The following SMAD7 variants were observed in gnomAD, a reference collection of about 807,000 sequenced individuals.
The protein encoded by SMAD7 is MAD (mothers against decapentaplegic, Drosophila) homolog 7.
Under a neutral mutation model 38.7 loss-of-function variants are expected in SMAD7, and 8 were observed. The ratio of observed to expected loss-of-function variants is 0.21; its 90% CI spans 0.12 to 0.37. SMAD7 has a LOEUF of 0.37. Ranked by LOEUF, SMAD7 falls within the 10% of genes least tolerant of loss-of-function variation. The pLI, the probability that SMAD7 is intolerant of heterozygous loss-of-function variation, is 1.00. For missense variants in SMAD7, 477 were observed against 577.9 expected (o/e 0.83, Z 1.79); for synonymous variants, 327 against 265.1 (o/e 1.23, Z -2.27).
At position 48,949,828 on chromosome 18, in the gene SMAD7, G is replaced by A. The variant is rs1171971476; in HGVS notation, c.597C>T (p.Ser199=). 17 of 1,610,676 alleles carry A rather than the reference G, an allele frequency of 1.1e-5. No homozygotes were observed. Among genetic ancestry groups the A allele is most frequent in the Non-Finnish European group, 1.4e-5 (17 of 1,178,442 alleles). Residue 199 remains serine, a synonymous_variant, in exon 1 of 4, where the codon AGC becomes AGT. Coordinates refer to ENST00000262158, the MANE Select transcript of SMAD7 (RefSeq NM_005904.4). ...ACTTCTCACCTAGTTCGCAGAGTCG[G>A]CTAAGGTGATGGGGGTTGCAGCACA... The part of the protein sequence containing the change: ...ELVCCNPHHL[S]RLCELESPPP...
intron 3 of SMAD7, among the ~76,000 whole-genome samples, chr18:48,937,430 C>T (rs538027544): frequency 3.1e-4 from 47 of 152,228 alleles, no homozygotes; most frequent in African/African-American, 9.6e-4. Context: ...ATGCGTGAGG[C>T]GGCAGCAGAC....
rs999324739 is a variant in SMAD7, at chr18:48,949,278, C to G, written c.613+534G>C. The G allele has an allele frequency of 2.7e-5, 27 of 984,982 alleles. No homozygotes were observed. In the African/African-American group the frequency reaches 4.7e-4, roughly 17 times the overall value. The allele number at this position is 984,982 out of a possible 1,614,324, so 61.0% of individuals were successfully genotyped here. A position where few individuals can be genotyped will look rare whatever the true frequency, so the allele number is the denominator to read the frequency against. ...TCTTTGCCCCAAAACTCCAAAGGTG[C>G]GCGGCCACGACAGTATCTGGGCCAC... On this transcript the variant is annotated intron_variant, in intron 1 of 3. Coordinates refer to ENST00000262158, the MANE Select transcript of SMAD7 (RefSeq NM_005904.4).
intron 3 of SMAD7, among the ~76,000 whole-genome samples, chr18:48,938,130 T>C (rs1348562083): frequency 6.6e-6 from 1 of 152,228 alleles, no homozygotes; most frequent in Non-Finnish European, 1.5e-5. Context: ...AAGTCAACTG[T>C]GGACTGAGCC....
At chr18:48,925,501 G>A (rs1034915184) in intron 3 of SMAD7, among the ~76,000 whole-genome samples, 4 of 152,144 alleles carry the variant, frequency 2.6e-5, no homozygotes, top group South Asian at 2.1e-4. Context: ...GGGGAGGTGG[G>A]TGTTGAGAAA....
chr18:48,928,106 G>A (rs563515077), intron 3 of SMAD7, among the ~76,000 whole-genome samples: 2 of 152,216 alleles, frequency 1.3e-5, no homozygotes, highest in African/African-American at 2.4e-5. Context: ...AGCAAGAAGT[G>A]GGGGGTGATA....
chr18:48,927,970 G>A (rs1182767898), intron 3 of SMAD7, among the ~76,000 whole-genome samples: 1 of 152,212 alleles, frequency 6.6e-6, no homozygotes, highest in African/African-American at 2.4e-5. Context: ...ATTGCCTGGT[G>A]TGAGCTGTGG....
intron 3 of SMAD7, among the ~76,000 whole-genome samples, chr18:48,927,583 C>G (rs1373895854): frequency 6.6e-6 from 1 of 152,192 alleles, no homozygotes; most frequent in Non-Finnish European, 1.5e-5. Context: ...CAGCTCATCC[C>G]TAAAACAGGG....
chr18:48,946,498 G>A (rs1413049421), intron 2 of SMAD7, among the ~76,000 whole-genome samples: 1 of 152,114 alleles, frequency 6.6e-6, no homozygotes, highest in Non-Finnish European at 1.5e-5. Context: ...CCTTCGTGGG[G>A]GCTTTGTCTA....
In SMAD7 at chr18:48,950,222, C is replaced by A. The variant is rs1379129720; in HGVS notation, c.203G>T (p.Gly68Val). 6.7e-7 allele frequency: 1 copy of A among 1,501,372 alleles called. No individual in the cohort carries two copies. The allele number at this position is 1,501,372 out of a possible 1,614,324, so 93.0% of individuals were successfully genotyped here. ...AGCCLGKAVRGAKGHHHPHPP... is the reference protein window; with the variant it reads ...AGCCLGKAVRVAKGHHHPHPP... Reference sequence around the variant, plus strand: ...GTGGGGATGGTGGTGACCTTTGGCACCTCGCACCGCCTTGCCCAGGCAGCA... The same window carrying A: ...GTGGGGATGGTGGTGACCTTTGGCAACTCGCACCGCCTTGCCCAGGCAGCA... The change falls in exon 1 of 4, where the codon GGT becomes GTT. Residue 68 changes from glycine (G) to valine (V), a missense_variant. Transcript: ENST00000262158.
rs1033820152 is a variant in SMAD7 at position 48,921,242 on chromosome 18, C to A, written c.*130G>T. The stretch of plus-strand genomic sequence containing the variant: ...CAAACGAGGACGAGAAGAAGAAAAC[C>A]AACCAACAAACAAAAAAAAAACGAC... On this transcript the variant is annotated 3_prime_UTR_variant, in exon 4 of 4. Coordinates refer to ENST00000262158, the MANE Select transcript of SMAD7 (RefSeq NM_005904.4). The surrounding 1 kb of genome is among the most constrained non-coding windows in gnomAD (Gnocchi z 6.4). 3 of 787,870 alleles carry A rather than the reference C, an allele frequency of 3.8e-6. No individual in the cohort carries two copies. Among genetic ancestry groups the A allele is most frequent in the Non-Finnish European group, 6.0e-6 (3 of 502,238 alleles). 48.8% of individuals were successfully genotyped at this position (787,870 alleles called of 1,614,324 possible). A position where few individuals can be genotyped will look rare whatever the true frequency, so the allele number is the denominator to read the frequency against.
chr18:48,932,117 G>A (rs1343229071), intron 3 of SMAD7, among the ~76,000 whole-genome samples: 7 of 152,164 alleles, frequency 4.6e-5, no homozygotes, highest in Non-Finnish European at 1.0e-4. Context: ...ATTCATGAGG[G>A]GGTGGGGCAG....
chr18:48,948,470 C>G, intron 1 of SMAD7, 33 bp from the exon 2 acceptor site: 1 of 1,468,602 alleles, frequency 6.8e-7, no homozygotes, highest in Non-Finnish European at 9.4e-7. Context: ...AAATAAAGGC[C>G]CAGCCATGAG....
At chr18:48,935,482 C>T (rs931822609) in intron 3 of SMAD7, among the ~76,000 whole-genome samples, 1 of 152,150 alleles carries the variant, frequency 6.6e-6, no homozygotes, top group Non-Finnish European at 1.5e-5. Context: ...CAGTCACCTA[C>T]GGCCACTGCA....
In SMAD7 at chr18:48,950,022, T is replaced by C. The variant is rs567326203; in HGVS notation, c.403A>G (p.Arg135Gly). The change falls in exon 1 of 4, where the codon AGG becomes GGG. Residue 135 changes from arginine to glycine, a missense_variant. This residue lies in a region of SMAD7 where 376 missense variants were observed against 379.4 expected (regional missense o/e 0.99). Transcript: ENST00000262158. ...CLLLPGRLDC[R>G]LGPGAPAGAQ... ...CCGGCGGGCGCCCCCGGGCCCAGCC[T>C]GCAGTCCAGGCGGCCGGGCAGCAGG... 6.5e-5 allele frequency: 99 copies of C among 1,524,338 alleles called. No individual in the cohort carries two copies. In the East Asian group the frequency reaches 2.3e-3, roughly 35 times the overall value. The allele number at this position is 1,524,338 out of a possible 1,614,324, so 94.4% of individuals were successfully genotyped here.
chr18:48,945,100 C>A (rs2070181597), intron 2 of SMAD7, among the ~76,000 whole-genome samples: 1 of 152,144 alleles, frequency 6.6e-6, no homozygotes. Context: ...CCACTGTACC[C>A]CAAGGGTCCC....
intron 2 of SMAD7, among the ~76,000 whole-genome samples, chr18:48,947,302 C>G (rs747359563): frequency 6.6e-6 from 1 of 152,142 alleles, no homozygotes; most frequent in South Asian, 2.1e-4. Flanking sequence ...GTATGGGCTT[C>G]GGTTACACGT....
intron 3 of SMAD7, among the ~76,000 whole-genome samples, chr18:48,923,264 G>A (rs1017290180): frequency 2.6e-4 from 40 of 152,340 alleles, no homozygotes; most frequent in Admixed American, 2.5e-3. Flanking sequence ...AGTGTGAGAT[G>A]TGTTTTGGTG....
rs762468057 is a variant in SMAD7, at chr18:48,950,282, T to A, written c.143A>T (p.His48Leu). 75 of 1,527,430 alleles carry A rather than the reference T, an allele frequency of 4.9e-5. No individual in the cohort carries two copies. The highest frequency in any genetic ancestry group is 6.2e-5 in the Non-Finnish European group (71 of 1,139,268). The allele number at this position is 1,527,430 out of a possible 1,614,324, so 94.6% of individuals were successfully genotyped here. ...GCCCGGGCCGCCGCCACCGGCCCCA[T>A]GCGCTCGGCTGTCCGTCGCCCCTTC... ...RGEGATDSRAHGAGGGGPGRA... is the reference protein window; with the variant it reads ...RGEGATDSRALGAGGGGPGRA... The change falls in exon 1 of 4, where the codon CAT becomes CTT. Residue 48 changes from histidine (H) to leucine (L), a missense_variant. By Grantham distance (99) the His-to-Leu change is moderately conservative. Around this residue, in one of 2 missense-constraint regions of SMAD7, gnomAD observed 376 missense variants for 379.4 expected, o/e 0.99. Transcript: ENST00000262158.
intron 1 of SMAD7, 159 bp from the exon 2 acceptor site, chr18:48,948,596 A>C: frequency 2.0e-6 from 1 of 501,644 alleles, no homozygotes; most frequent in Non-Finnish European, 3.5e-6. Flanking sequence ...TTTAGCTGTC[A>C]GATAAACAAA....
Sources: allele counts gnomAD v4.1 joint callset (sites outside exome capture counted in the v4.1 genomes callset), GRCh38; gene constraint gnomAD v4.1.1; regional missense constraint gnomAD v4.1.1; non-coding constraint Gnocchi (gnomAD v3.1); transcripts MANE v1.5; gene names NCBI Gene and HGNC (gene_info 2026-07-23, HGNC 2026-07-21).